SLC4A10: variants seen among roughly 807,000 people sequenced by gnomAD.
SLC4A10 encodes solute carrier family 4 member 10, also known as sodium-driven chloride bicarbonate exchanger.
A neutral mutation model predicts 137.7 loss-of-function variants in SLC4A10; 42 were observed. The ratio of observed to expected loss-of-function variants is 0.30; its 90% CI spans 0.24 to 0.39. The LOEUF (loss-of-function observed/expected upper bound fraction) is 0.39, where lower values mean the gene tolerates loss of function less well. Ranked by LOEUF, SLC4A10 falls within the 10% of genes least tolerant of loss-of-function variation. The pLI is 1.00. For synonymous variants in SLC4A10, 474 were observed against 464.1 expected (o/e 1.02, Z -0.27); for missense variants, 925 against 1,355.0 (o/e 0.68, Z 4.98).
At chr2:161,977,874 G>A in intron 26 of SLC4A10, 114 bp downstream of exon 26, 1 of 894,328 alleles carries the variant, frequency 1.1e-6, no homozygotes, top group Non-Finnish European at 1.6e-6. Flanking sequence ...GAGGCAAAAG[G>A]CATGGAGAGT....
At chr2:161,735,527 C>G (rs1389576309) in intron 1 of SLC4A10, among the ~76,000 whole-genome samples, 1 of 152,080 alleles carries the variant, frequency 6.6e-6, no homozygotes, top group African/African-American at 2.4e-5. Context: ...CACAAGTACC[C>G]TTCCTAATGC....
intron 1 of SLC4A10, chr2:161,708,615 T>G: frequency 7.3e-7 from 1 of 1,376,676 alleles, no homozygotes; most frequent in Non-Finnish European, 9.6e-7. Flanking sequence ...TGATAAATAG[T>G]ATATGTGATT....
chr2:161,732,027 G>C (rs559922593), intron 1 of SLC4A10, among the ~76,000 whole-genome samples: 1 of 152,124 alleles, frequency 6.6e-6, no homozygotes, highest in Non-Finnish European at 1.5e-5. Flanking sequence ...GAAGAGATGC[G>C]TAGGGCAAGG....
chr2:161,938,388 A>G (rs950568550), intron 15 of SLC4A10, among the ~76,000 whole-genome samples: 1 of 152,150 alleles, frequency 6.6e-6, no homozygotes, highest in African/African-American at 2.4e-5. Context: ...GACCATTCCA[A>G]TGCAGCAATT....
At chr2:161,760,720 G>C (rs1161010959) in intron 1 of SLC4A10, among the ~76,000 whole-genome samples, 1 of 152,042 alleles carries the variant, frequency 6.6e-6, no homozygotes, top group Non-Finnish European at 1.5e-5. Context: ...CAATCTTTAT[G>C]ATTGAGTGTC....
chr2:161,867,215 C>A (rs1047780307), intron 6 of SLC4A10, among the ~76,000 whole-genome samples: 1 of 151,808 alleles, frequency 6.6e-6, no homozygotes, highest in Non-Finnish European at 1.5e-5. Flanking sequence ...GGAAATCAGA[C>A]CTATTACATT....
intron 5 of SLC4A10, among the ~76,000 whole-genome samples, chr2:161,856,393 A>ACACACACAC: frequency 6.7e-6 from 1 of 149,398 alleles, no homozygotes. Flanking sequence ...ACACACACAC[A>ACACACACAC]CACACCACAC....
intron 3 of SLC4A10, among the ~76,000 whole-genome samples, chr2:161,837,987 A>G (rs994414552): frequency 2.6e-5 from 4 of 152,184 alleles, no homozygotes; most frequent in Non-Finnish European, 4.4e-5. Flanking sequence ...GAACCTAACC[A>G]TGTTGGCACC....
chr2:161,731,916 C>T (rs182859221), intron 1 of SLC4A10, among the ~76,000 whole-genome samples: 12 of 152,174 alleles, frequency 7.9e-5, no homozygotes, highest in Middle Eastern at 3.4e-3. Flanking sequence ...CTTATATTCT[C>T]TGATTTCTTA....
At chr2:161,813,175 G>GA (rs550123509) in intron 3 of SLC4A10, among the ~76,000 whole-genome samples, 22 of 151,928 alleles carry the variant, frequency 1.4e-4, no homozygotes, top group African/African-American at 5.3e-4. Flanking sequence ...ACTCTCCATT[G>GA]ATTTTTAGTA....
intron 3 of SLC4A10, among the ~76,000 whole-genome samples, chr2:161,823,657 C>T (rs866535991): frequency 6.6e-6 from 1 of 152,162 alleles, no homozygotes; most frequent in Non-Finnish European, 1.5e-5. Context: ...GGTTGCCCAC[C>T]GTTTCAGGCA....
intron 1 of SLC4A10, among the ~76,000 whole-genome samples, chr2:161,759,872 A>G (rs766600611): frequency 3.3e-5 from 5 of 151,974 alleles, no homozygotes; most frequent in African/African-American, 7.2e-5. Context: ...TTCTTGAATG[A>G]TAGCTTAGCT....
At chr2:161,848,632 T>A (rs564172197) in intron 4 of SLC4A10, among the ~76,000 whole-genome samples, 1 of 152,266 alleles carries the variant, frequency 6.6e-6, no homozygotes, top group East Asian at 1.9e-4. Flanking sequence ...ATTTATTGAG[T>A]AGGGAGTCCT....
At chr2:161,914,511 T>C (rs1271854080) in intron 15 of SLC4A10, among the ~76,000 whole-genome samples, 3 of 152,184 alleles carry the variant, frequency 2.0e-5, no homozygotes, top group Admixed American at 6.5e-5. Context: ...CTATAATATA[T>C]CACTTCTCTC....
intron 26 of SLC4A10, among the ~76,000 whole-genome samples, chr2:161,980,418 G>A (rs1700055454): frequency 1.3e-5 from 2 of 152,126 alleles, no homozygotes; most frequent in Admixed American, 1.3e-4. Context: ...GGAGGCCGAG[G>A]CGAGCAGATC....
intron 1 of SLC4A10, among the ~76,000 whole-genome samples, chr2:161,765,894 C>T (rs1254256709): frequency 2.0e-5 from 3 of 152,058 alleles, no homozygotes; most frequent in East Asian, 1.9e-4. Context: ...CATCATACCC[C>T]ATGTTTACTT....
intron 1 of SLC4A10, among the ~76,000 whole-genome samples, chr2:161,671,197 T>G (rs1257617369): frequency 6.6e-6 from 1 of 152,112 alleles, no homozygotes; most frequent in Non-Finnish European, 1.5e-5. Flanking sequence ...GTAAAAGGAC[T>G]TGAGAGGTTC....
At chr2:161,784,057 A>T (rs1031194955) in intron 2 of SLC4A10, among the ~76,000 whole-genome samples, 1 of 151,846 alleles carries the variant, frequency 6.6e-6, no homozygotes, top group Non-Finnish European at 1.5e-5. Flanking sequence ...ATTCCACGAA[A>T]ATGTTAATGA....
At chr2:161,674,160 G>A (rs2040037436) in intron 1 of SLC4A10, among the ~76,000 whole-genome samples, 1 of 152,150 alleles carries the variant, frequency 6.6e-6, no homozygotes, top group Non-Finnish European at 1.5e-5. Context: ...TAAGAAGGCA[G>A]TGTGGTACAC....
Sources: gnomAD v4.1 joint callset for allele counts (sites outside exome capture counted in the v4.1 genomes callset) on GRCh38, gnomAD v4.1.1 for gene constraint, MANE v1.5 for transcripts, NCBI Gene and HGNC (gene_info 2026-07-23, HGNC 2026-07-21) for gene names.